Variants in MYRIP observed in about 807,000 individuals in gnomAD.
The protein encoded by MYRIP is myosin VIIA and Rab interacting protein, also known as rab effector MyRIP.
A neutral mutation model predicts 98.0 loss-of-function variants in MYRIP; 49 were observed. The observed-to-expected ratio is 0.50, with a 90% CI of 0.40 to 0.63. The LOEUF (loss-of-function observed/expected upper bound fraction) is 0.63, where lower values mean the gene tolerates loss of function less well. Among genes scored for constraint, MYRIP ranks in the 30% least tolerant of loss-of-function variants. MYRIP has a pLI of 0.00. For missense variants in MYRIP, 1,004 were observed against 1,058.2 expected, an observed-to-expected ratio of 0.95 and a Z score of 0.71; for synonymous variants, 404 against 409.5, an observed-to-expected ratio of 0.99 and a Z score of 0.16.
At chr3:39,839,980 A>G (rs547327880) in intron 1 of MYRIP, among the ~76,000 whole-genome samples, 14 of 152,322 alleles carry the variant, frequency 9.2e-5, no homozygotes, top group East Asian at 3.9e-4. Context: ...GTAGATGTCT[A>G]TTAGGGCCAC....
At chr3:39,875,869 G>A (rs1942976267) in intron 1 of MYRIP, among the ~76,000 whole-genome samples, 2 of 151,990 alleles carry the variant, frequency 1.3e-5, no homozygotes, top group Admixed American at 6.6e-5. Context: ...ACTTGGTGCA[G>A]AGCTGAGTTC....
At chr3:40,182,622 T>C (rs1421660181) in intron 9 of MYRIP, among the ~76,000 whole-genome samples, 2 of 152,200 alleles carry the variant, frequency 1.3e-5, no homozygotes, top group African/African-American at 4.8e-5. Context: ...TCATATTCTA[T>C]GCTCTGTGCT....
chr3:40,074,853 A>G (rs1307918152), intron 3 of MYRIP, among the ~76,000 whole-genome samples: 1 of 152,224 alleles, frequency 6.6e-6, no homozygotes, highest in East Asian at 1.9e-4. Flanking sequence ...TCAAATAAGC[A>G]TATGAAAAGA....
At chr3:40,081,139 G>C (rs1014555258) in intron 3 of MYRIP, among the ~76,000 whole-genome samples, 1 of 152,036 alleles carries the variant, frequency 6.6e-6, no homozygotes, top group Non-Finnish European at 1.5e-5. Context: ...AATGTATTTA[G>C]ACTTACCTGC....
chr3:39,885,122 C>A (rs1575342985), intron 1 of MYRIP, among the ~76,000 whole-genome samples: 1 of 151,884 alleles, frequency 6.6e-6, no homozygotes, highest in Admixed American at 6.6e-5. Flanking sequence ...TCAGTCTGCA[C>A]TTATCTTTTT....
rs1947715341 is a variant in MYRIP at position 40,048,401 on chromosome 3, TAAA to T, written c.332+4133_332+4135del. On this transcript the variant is annotated intron_variant, in intron 3 of 16. Transcript: ENST00000302541. Reference sequence around the variant, plus strand: ...TGTGGGCTATGAATAATTATAATAATAAAAATTCTTGTCCACAAAAAAGGAGTA... The same window carrying T: ...TGTGGGCTATGAATAATTATAATAATAATTCTTGTCCACAAAAAAGGAGTA... Among the ~76,000 whole-genome samples, 3 of 152,220 alleles carry T rather than the reference TAAA, an allele frequency of 2.0e-5. No individual in the cohort carries two copies. The South Asian group carries it at 6.2e-4, about 32-fold the overall frequency.
At position 40,054,988 on chromosome 3, in the gene MYRIP, G is replaced by T. The variant is rs184504709; in HGVS notation, c.332+10717G>T. Among the ~76,000 whole-genome samples the T allele has an allele frequency of 5.3e-5, 8 of 152,170 alleles. No individual in the cohort carries two copies. The East Asian group carries it at 1.5e-3, about 29-fold the overall frequency. On this transcript the variant is annotated intron_variant, in intron 3 of 16. Coordinates refer to ENST00000302541, the MANE Select transcript of MYRIP (RefSeq NM_015460.4). ...CATTTTTTGGCCTTGGAGCAATTAG[G>T]GTAATAAGAAATCATGGGTTCTTAA...
At chr3:39,875,815 C>T (rs1393112937) in intron 1 of MYRIP, among the ~76,000 whole-genome samples, 1 of 151,802 alleles carries the variant, frequency 6.6e-6, no homozygotes, top group Non-Finnish European at 1.5e-5. Flanking sequence ...AATGTATATT[C>T]TGTTGATTTG....
chr3:40,124,034 T>C (rs1403292879), intron 3 of MYRIP, among the ~76,000 whole-genome samples: 2 of 152,138 alleles, frequency 1.3e-5, no homozygotes, highest in Admixed American at 6.5e-5. Flanking sequence ...GGAATGGAAA[T>C]GCAAACTTCT....
intron 2 of MYRIP, among the ~76,000 whole-genome samples, chr3:40,004,638 C>A (rs184090564): frequency 6.6e-6 from 1 of 152,076 alleles, no homozygotes; most frequent in African/African-American, 2.4e-5. Flanking sequence ...CAACTCCCAC[C>A]TTTCCTTCTG....
intron 2 of MYRIP, among the ~76,000 whole-genome samples, chr3:40,024,554 T>A (rs973831866): frequency 6.6e-6 from 1 of 150,980 alleles, no homozygotes; most frequent in African/African-American, 2.4e-5. Flanking sequence ...CTCTGTAGGC[T>A]AGATGCTTTT....
At chr3:39,895,523 ATT>A (rs35368191) in intron 1 of MYRIP, among the ~76,000 whole-genome samples, 3 of 150,884 alleles carry the variant, frequency 2.0e-5, no homozygotes, top group African/African-American at 4.9e-5. Flanking sequence ...CCATATATAT[ATT>A]TTTTTTTCGC....
chr3:40,161,227 G>GA (rs1950387308), intron 4 of MYRIP, among the ~76,000 whole-genome samples: 1 of 152,068 alleles, frequency 6.6e-6, no homozygotes, highest in African/African-American at 2.4e-5. Flanking sequence ...TTCTGCCCTT[G>GA]AAAAAACATC....
intron 3 of MYRIP, among the ~76,000 whole-genome samples, chr3:40,136,056 G>C (rs1400882688): frequency 6.6e-6 from 1 of 152,110 alleles, no homozygotes; most frequent in Non-Finnish European, 1.5e-5. Flanking sequence ...ATGTAAATGG[G>C]CTAAATGCTC....
intron 2 of MYRIP, among the ~76,000 whole-genome samples, chr3:40,010,426 G>T (rs1342205120): frequency 6.6e-6 from 1 of 152,196 alleles, no homozygotes; most frequent in African/African-American, 2.4e-5. Context: ...CAGCCATAGA[G>T]GTGCCGGGTA....
At chr3:40,244,739 T>C in intron 13 of MYRIP, 132 bp downstream of exon 13, 1 of 1,002,062 alleles carries the variant, frequency 1.0e-6, no homozygotes, top group Non-Finnish European at 1.4e-6. Flanking sequence ...GTGGATACAG[T>C]CCTTCCAGAT....
intron 3 of MYRIP, among the ~76,000 whole-genome samples, chr3:40,148,824 CTTAG>C (rs772497696): frequency 2.0e-5 from 3 of 152,154 alleles, no homozygotes; most frequent in African/African-American, 7.2e-5. Context: ...GAACAAAGGA[CTTAG>C]TTGGTGAATA....
chr3:39,960,674 A>G (rs1472283971), intron 2 of MYRIP, among the ~76,000 whole-genome samples: 2 of 152,142 alleles, frequency 1.3e-5, no homozygotes, highest in East Asian at 1.9e-4. Context: ...TGTGTTGTGT[A>G]TTTCTTTTGG....
rs555525181 is a variant in MYRIP at position 39,860,158 on chromosome 3, A to G, written c.-30-40629A>G. Among the ~76,000 whole-genome samples, 29 of 152,308 alleles carry G rather than the reference A, an allele frequency of 1.9e-4. 1 individual carries two copies. In the South Asian group the frequency reaches 3.3e-3, roughly 17 times the overall value. On this transcript the variant is annotated intron_variant, in intron 1 of 16. Transcript: ENST00000302541. ...CTGTTAGAACTAATAAATAAATTCA[A>G]CTATACACTGGAACTCATTCCTGGT...
Sources: gnomAD v4.1 joint callset for allele counts (sites outside exome capture counted in the v4.1 genomes callset) on GRCh38, gnomAD v4.1.1 for gene constraint, MANE v1.5 for transcripts, NCBI Gene and HGNC (gene_info 2026-07-23, HGNC 2026-07-21) for gene names.